Variants in ASNS observed in about 807,000 individuals in gnomAD.
ASNS encodes the protein asparagine synthetase (glutamine-hydrolyzing).
Under a neutral mutation model 62.6 loss-of-function variants are expected in ASNS, and 37 were observed. That is an observed-to-expected ratio of 0.59 (90% CI 0.45 to 0.78). ASNS has a LOEUF of 0.78. ASNS is among the 30% of genes least tolerant of loss of function. ASNS has a pLI of 0.00. For synonymous variants in ASNS, 207 were observed against 237.9 expected, an observed-to-expected ratio of 0.87 and a Z score of 1.19; for missense variants, 520 against 682.4, an observed-to-expected ratio of 0.76 and a Z score of 2.65.
chr7:97,863,557 G>C (rs1791821956), intron 4 of ASNS: 1 of 152,394 alleles, frequency 6.6e-6, no homozygotes, highest in Non-Finnish European at 1.5e-5. Context: ...TATACTCCTA[G>C]CTACTAGGGA....
chr7:97,888,326 CTTTT>C, the ASNS span, among the ~76,000 whole-genome samples: 1 of 132,424 alleles, frequency 7.6e-6, no homozygotes, highest in Non-Finnish European at 1.7e-5. Context: ...GGGTTGCTTT[CTTTT>C]TTTTTTTTTT....
chr7:97,925,386 C>T, the ASNS span, among the ~76,000 whole-genome samples: 1 of 152,148 alleles, frequency 6.6e-6, no homozygotes, highest in Non-Finnish European at 1.5e-5. Context: ...CAATGGCTCT[C>T]AACTGGGGTG....
In ASNS at chr7:97,852,356, GC is replaced by G; in HGVS notation, c.1588del (p.Ala530LeufsTer4). On this transcript the variant is annotated frameshift_variant, in exon 13 of 13. Transcript: ENST00000394308. LOFTEE classifies it high-confidence loss of function. Reference protein sequence around the residue: ...QVFERHYPGRADWLSHYWMPK... With the variant: ...QVFERHYPGRXDWLSHYWMPK... ...CATCCAGTAATGGCTCAGCCAGTCA[GC>G]CCGGCCTGGGTAATGGCGTTCAAAG... The G allele has an allele frequency of 6.2e-7, 1 of 1,614,188 alleles. No individual in the cohort carries two copies. The highest frequency in any genetic ancestry group is 8.5e-7 in the Non-Finnish European group (1 of 1,180,046).
At chr7:97,854,715 T>C in intron 9 of ASNS, 35 bp from the exon 10 acceptor site, 1 of 1,613,576 alleles carries the variant, frequency 6.2e-7, no homozygotes, top group East Asian at 2.2e-5. Flanking sequence ...GAGTTTTGCT[T>C]TTGGCACACA....
chr7:97,862,612 G>A (rs1791777500), intron 4 of ASNS, among the ~76,000 whole-genome samples: 1 of 152,066 alleles, frequency 6.6e-6, no homozygotes, highest in African/African-American at 2.4e-5. Flanking sequence ...TGTAAACTAT[G>A]AACTTCAGTT....
At chr7:97,880,760 T>C in the ASNS span, among the ~76,000 whole-genome samples, 3 of 152,198 alleles carry the variant, frequency 2.0e-5, no homozygotes, top group Non-Finnish European at 4.4e-5. Context: ...AAGTAAAACA[T>C]GAACAAGTTC....
At chr7:97,896,553 C>T in the ASNS span, among the ~76,000 whole-genome samples, 13 of 142,148 alleles carry the variant, frequency 9.1e-5, no homozygotes, top group South Asian at 2.3e-4. Flanking sequence ...GCAGAGATCA[C>T]GCCACTGCAC....
the ASNS span, among the ~76,000 whole-genome samples, chr7:97,892,865 T>A: frequency 6.6e-6 from 1 of 152,222 alleles, no homozygotes; most frequent in Non-Finnish European, 1.5e-5. Flanking sequence ...CCTGTCTCCT[T>A]CTGAGCCCTC....
At chr7:97,920,934 G>A in the ASNS span, among the ~76,000 whole-genome samples, 2 of 152,312 alleles carry the variant, frequency 1.3e-5, no homozygotes, top group South Asian at 4.1e-4. Context: ...CGCCAAGACA[G>A]CCGGCCTCAC....
chr7:97,912,871 C>A, the ASNS span: 2 of 148,146 alleles, frequency 1.4e-5, no homozygotes, highest in Non-Finnish European at 3.0e-5. Flanking sequence ...CATGAGCCAC[C>A]CTGCCCAGCC....
chr7:97,854,934 G>A (rs1791361827), intron 9 of ASNS: 2 of 530,450 alleles, frequency 3.8e-6, no homozygotes, highest in Non-Finnish European at 3.2e-6. Context: ...TGGCAGAAAG[G>A]GGATTCTCAA....
chr7:97,858,255 A>G, intron 7 of ASNS, 23 bp downstream of exon 7: 4 of 1,611,458 alleles, frequency 2.5e-6, no homozygotes, highest in Non-Finnish European at 3.4e-6. Flanking sequence ...TACACTACAC[A>G]AGGGACAGAG....
chr7:97,915,068 C>T, the ASNS span, among the ~76,000 whole-genome samples: 1 of 152,224 alleles, frequency 6.6e-6, no homozygotes, highest in African/African-American at 2.4e-5. Context: ...AACACCCACC[C>T]TTTCCTACAG....
chr7:97,868,539 G>GTGTGTA (rs1792088978), intron 3 of ASNS, among the ~76,000 whole-genome samples: 1 of 151,336 alleles, frequency 6.6e-6, no homozygotes. Context: ...GTGTGTGTGT[G>GTGTGTA]TGTGTAGAAA....
chr7:97,876,463 C>G (rs1320110132), upstream of ASNS, among the ~76,000 whole-genome samples: 3 of 145,160 alleles, frequency 2.1e-5, no homozygotes, highest in Non-Finnish European at 4.5e-5. Context: ...GAGTCTTGCT[C>G]TGTTGCCAGG....
the ASNS span, among the ~76,000 whole-genome samples, chr7:97,924,365 CA>C: frequency 6.6e-6 from 1 of 152,252 alleles, no homozygotes; most frequent in African/African-American, 2.4e-5. Flanking sequence ...GCCTGCCTCA[CA>C]AATTACAAGA....
chr7:97,880,852 A>C, the ASNS span, among the ~76,000 whole-genome samples: 2 of 152,224 alleles, frequency 1.3e-5, no homozygotes, highest in Non-Finnish European at 2.9e-5. Flanking sequence ...CGGGCTCTGC[A>C]GCCCAGATCA....
At chr7:97,860,943 C>A (rs1253471340) in intron 4 of ASNS, among the ~76,000 whole-genome samples, 1 of 150,526 alleles carries the variant, frequency 6.6e-6, no homozygotes, top group Non-Finnish European at 1.5e-5. Context: ...TGACAATTTA[C>A]TTCTATGTTT....
chr7:97,922,662 T>G, the ASNS span, among the ~76,000 whole-genome samples: 1 of 152,240 alleles, frequency 6.6e-6, no homozygotes, highest in Non-Finnish European at 1.5e-5. Context: ...GTATACATAC[T>G]TCAATCACAT....
Sources: allele counts gnomAD v4.1 joint callset (sites outside exome capture counted in the v4.1 genomes callset), GRCh38; gene constraint gnomAD v4.1.1; transcripts MANE v1.5; gene names NCBI Gene and HGNC (gene_info 2026-07-23, HGNC 2026-07-21).